MUC4: variants seen among roughly 807,000 people sequenced by gnomAD.
The protein encoded by MUC4 is mucin-4.
A neutral mutation model predicts 257.9 loss-of-function variants in MUC4; 202 were observed. The observed-to-expected ratio is 0.78, with a 90% CI of 0.70 to 0.88. MUC4 has a LOEUF of 0.88. MUC4 is among the 40% of genes least tolerant of loss of function. The probability of loss-of-function intolerance (pLI) is 0.00; values close to 1 mark genes in which losing one functional copy is unlikely to be tolerated. For missense variants in MUC4, 5,976 were observed against 6,513.7 expected (o/e 0.92, Z 2.84); for synonymous variants, 2,351 against 2,757.1 (o/e 0.85, Z 4.62).
intron 7 of MUC4, among the ~76,000 whole-genome samples, chr3:195,768,032 C>A (rs1288180045): frequency 1.3e-5 from 2 of 152,030 alleles, no homozygotes; most frequent in African/African-American, 2.4e-5. Context: ...AAGCCTGGAG[C>A]AGCCGCCTGC....
chr3:195,807,812 ACTT>A (rs1295457908), intron 1 of MUC4, among the ~76,000 whole-genome samples: 1 of 152,244 alleles, frequency 6.6e-6, no homozygotes, highest in Non-Finnish European at 1.5e-5. Context: ...AAGGCCAACC[ACTT>A]CTTGTCCTCT....
In MUC4 at chr3:195,766,785, G is replaced by A. The variant is rs374549724; in HGVS notation, c.13530-34C>T. 110 of 1,583,698 alleles carry A rather than the reference G, an allele frequency of 6.9e-5. No homozygotes were observed. The Admixed American group carries it at 9.9e-4, about 14-fold the overall frequency. ...AAGGAGAGACTCTCAGGCCTCTGCC[G>A]TGCACAGGCTCTTGCCTCGCGGTTG... On this transcript the variant is annotated intron_variant, in intron 7 of 24. Coordinates refer to ENST00000463781, the MANE Select transcript of MUC4 (RefSeq NM_018406.7).
At position 195,763,555 on chromosome 3, in the gene MUC4, C is replaced by T. The variant is rs747966101; in HGVS notation, c.14131G>A (p.Ala4711Thr). ...AGGAAGGAGGAGTTCCCGTCTTGGG[C>T]CCCGACCAGCAGGAAGTCCCCCAGC... The part of the protein sequence containing the change: ...NGLGDFLLVG[A>T]QDGNSSFLLQ... The change falls in exon 12 of 25, where the codon GCC becomes ACC. Residue 4711 changes from alanine to threonine, a missense_variant. By Grantham distance (58) the Ala-to-Thr change is moderately conservative. This residue lies in a region of MUC4 where 996 missense variants were observed against 1,137.3 expected (regional missense o/e 0.88). Transcript: ENST00000463781. The T allele has an allele frequency of 1.3e-5, 21 of 1,590,044 alleles. No homozygotes were observed. The highest frequency in any genetic ancestry group is 1.6e-5 in the Non-Finnish European group (19 of 1,167,468).
chr3:195,802,032 C>A (rs115835019), intron 1 of MUC4, among the ~76,000 whole-genome samples: 1,679 of 152,298 alleles, frequency 0.011, 24 homozygotes, highest in Non-Finnish European at 0.016. Context: ...TCTACTCTCA[C>A]GCCTTACAAA....
At chr3:195,754,508 CA>C in intron 18 of MUC4, 136 bp from the exon 19 acceptor site, 1 of 1,183,882 alleles carries the variant, frequency 8.4e-7, no homozygotes, top group Non-Finnish European at 1.2e-6. Context: ...ACCTGCTGAG[CA>C]CCTTCTTGAC....
At chr3:195,796,771 C>G (rs1228967510) in intron 1 of MUC4, among the ~76,000 whole-genome samples, 1 of 152,082 alleles carries the variant, frequency 6.6e-6, no homozygotes, top group Non-Finnish European at 1.5e-5. Context: ...ATCAGACATT[C>G]AAGGAACAGG....
intron 1 of MUC4, among the ~76,000 whole-genome samples, chr3:195,799,400 C>T (rs771472864): frequency 6.6e-6 from 1 of 152,138 alleles, no homozygotes; most frequent in African/African-American, 2.4e-5. Context: ...ACCTCCACCT[C>T]CGTGATTCTC....
chr3:195,759,998 G>A (rs2550275), intron 16 of MUC4, among the ~76,000 whole-genome samples: 94,194 of 151,558 alleles, frequency 0.62, 30,541 homozygotes, highest in East Asian at 0.8. Context: ...GAGAGGGAGT[G>A]AAACCTCTTC....
rs1178722775 is a variant in MUC4, at chr3:195,782,163, G to A, written c.9417C>T (p.Val3139=). ...CTGTGGATGCTGAGGAAGTGCTGGT[G>A]ACAGGAAGAGCGGTGGCCTGACCTG... ...ASTGQATALP[V]TSTSSASTGD... The change falls in exon 2 of 25, where the codon GTC becomes GTT. Residue 3139 remains valine (V), a synonymous_variant. Transcript: ENST00000463781. 1.5e-6 allele frequency: 2 copies of A among 1,351,932 alleles called. No individual in the cohort carries two copies. The highest frequency in any genetic ancestry group is 1.9e-6 in the Non-Finnish European group (2 of 1,027,966). 83.7% of individuals were successfully genotyped at this position (1,351,932 alleles called of 1,614,324 possible). A position where few individuals can be genotyped will look rare whatever the true frequency, so the allele number is the denominator to read the frequency against.
rs145047205 is a variant in MUC4 at position 195,754,215 on chromosome 3, G to A, written c.15326C>T (p.Ala5109Val). The A allele has an allele frequency of 1.6e-5, 26 of 1,611,726 alleles. No homozygotes were observed. Among genetic ancestry groups the A allele is most frequent in the African/African-American group, 4.0e-5 (3 of 74,878 alleles). Reference sequence around the variant, plus strand: ...TCCAGGCCCTGTTCCCGGCTCACCCGCACAGTGCCGCCCATCCCCAGTCAG... The same window carrying A: ...TCCAGGCCCTGTTCCCGGCTCACCCACACAGTGCCGCCCATCCCCAGTCAG... Reference protein sequence around the residue: ...PNLTGDGRHCAALGSSFLCQN... With the variant: ...PNLTGDGRHCVALGSSFLCQN... Residue 5109 changes from alanine to valine, a missense_variant and splice_region_variant, in exon 19 of 25, where the codon GCG (alanine) becomes GTG (valine). Coordinates refer to ENST00000463781, the MANE Select transcript of MUC4 (RefSeq NM_018406.7).
rs1160705960 is a variant in MUC4 at position 195,767,621 on chromosome 3, TCACCACCATCAC to T, written c.13530-882_13530-871del. Among the ~76,000 whole-genome samples the T allele has an allele frequency of 3.7e-4, 10 of 27,196 alleles. 1 individual carries two copies. The highest frequency in any genetic ancestry group is 1.5e-3 in the African/African-American group (10 of 6,612). The allele number at this position is 27,196 out of a possible 152,430, so 17.8% of individuals were successfully genotyped here. On this transcript the variant is annotated intron_variant, in intron 7 of 24. Coordinates refer to ENST00000463781, the MANE Select transcript of MUC4 (RefSeq NM_018406.7). ...ACCATCATCACCATTGCCACCACCATCACCACCATCACCACCACCATCGCCACCACCACCACC... is the reference window on the plus strand; with the variant it reads ...ACCATCATCACCATTGCCACCACCATCACCACCATCGCCACCACCACCACC...
In MUC4 at chr3:195,791,006, A is replaced by T. The variant is rs1042066705; in HGVS notation, c.574T>A (p.Ser192Thr). The change falls in exon 2 of 25, where the codon TCA (serine) becomes ACA (threonine). Residue 192 changes from serine (S) to threonine (T), a missense_variant. Physicochemically the swap from Ser to Thr is moderately conservative, Grantham distance 58. Coordinates refer to ENST00000463781, the MANE Select transcript of MUC4 (RefSeq NM_018406.7). ...GTCCAGTGGTTCTGAGAAGAAGCTGATGTGTCTTGGATAGAGGTCCTCCAG... is the reference window on the plus strand; with the variant it reads ...GTCCAGTGGTTCTGAGAAGAAGCTGTTGTGTCTTGGATAGAGGTCCTCCAG... ...TSWRTSIQDT[S>T]ASSQNHWTRS... is the part of the protein sequence containing the mutation. 1.2e-6 allele frequency: 2 copies of T among 1,613,662 alleles called. No homozygotes were observed. The highest frequency in any genetic ancestry group is 8.5e-7 in the Non-Finnish European group (1 of 1,179,862).
At position 195,778,342 on chromosome 3, in the gene MUC4, G is replaced by C; in HGVS notation, c.12904C>G (p.Arg4302Gly). 6.2e-7 allele frequency: 1 copy of C among 1,612,680 alleles called. No homozygotes were observed. The highest frequency in any genetic ancestry group is 8.5e-7 in the Non-Finnish European group (1 of 1,179,808). Residue 4302 changes from arginine (R) to glycine (G), a missense_variant, in exon 3 of 25, where the codon CGC (arginine) becomes GGC (glycine). Physicochemically the swap from Arg to Gly is moderately radical, Grantham distance 125. Transcript: ENST00000463781. ...ATGGGGATGGGGGCAGCTGTGGAGCGGGTGTGCATGGCAGTGCTGGGAATG... is the reference window on the plus strand; with the variant it reads ...ATGGGGATGGGGGCAGCTGTGGAGCCGGTGTGCATGGCAGTGCTGGGAATG... Reference protein sequence around the residue: ...STIPSTAMHTRSTAAPIPILP... With the variant: ...STIPSTAMHTGSTAAPIPILP...
Position 195,765,250 on chromosome 3 carries a change from G to A in MUC4, c.13798+20C>T, listed in dbSNP as rs776659392. The A allele has an allele frequency of 1.7e-5, 27 of 1,598,668 alleles. No homozygotes were observed. The highest frequency in any genetic ancestry group is 2.1e-5 in the Non-Finnish European group (25 of 1,170,240). On this transcript the variant is annotated intron_variant, in intron 9 of 24. Coordinates refer to ENST00000463781, the MANE Select transcript of MUC4 (RefSeq NM_018406.7). ...AGAGGGTGGTGGGTGGGCTTGTGGG[G>A]GGCGGGAAGGAGGTGTCACCTATGC...
intron 3 of MUC4, among the ~76,000 whole-genome samples, chr3:195,776,715 TCATACCTTCCACACC>T (rs1724864988): frequency 8.5e-5 from 1 of 11,708 alleles, no homozygotes; most frequent in Non-Finnish European, 1.5e-4. Flanking sequence ...CCTTCCACAG[TCATACCTTCCACACC>T]CATACCTTCC....
At chr3:195,778,723 A>G in intron 2 of MUC4, 67 bp downstream of exon 2, 1 of 1,476,196 alleles carries the variant, frequency 6.8e-7, no homozygotes, top group Non-Finnish European at 9.2e-7. Context: ...GTTCTCAGGT[A>G]CTCCTTAGGC....
At position 195,751,049 on chromosome 3, in the gene MUC4, C is replaced by T. The variant is rs1159406229; in HGVS notation, c.15711G>A (p.Gln5237=). 9.3e-6 allele frequency: 15 copies of T among 1,611,480 alleles called. No homozygotes were observed. Among genetic ancestry groups the T allele is most frequent in the Admixed American group, 1.7e-5 (1 of 59,632 alleles). The part of the protein sequence containing the change: ...IQHWMVISEF[Q]YRPRGPVIDF... ...CAATGACCGGGCCCCGAGGGCGGTA[C>T]TGGAACTCCGAGATGACCATCCAGT... The change falls in exon 23 of 25, where the codon CAG becomes CAA. Residue 5237 remains glutamine, a synonymous_variant. Coordinates refer to ENST00000463781, the MANE Select transcript of MUC4 (RefSeq NM_018406.7).
chr3:195,791,590 C>G (rs1351138459), intron 1 of MUC4, 93 bp from the exon 2 acceptor site: 7 of 793,102 alleles, frequency 8.8e-6, no homozygotes, highest in Non-Finnish European at 1.4e-5. Context: ...CCTAGGAATA[C>G]AGCTAACAAA....
chr3:195,769,075 C>A lies in MUC4; in HGVS notation c.13476G>T (p.Met4492Ile). ...CTGAGCGCTGGGCCACGTCCCACTG[C>A]ATCCCACCGCTCTGGTAGAGAAACA... is the stretch of plus-strand genomic sequence containing the variant. ...YALFLYQSGG[M>I]QWDVAQRSGN... The change falls in exon 7 of 25, where the codon ATG becomes ATT. Residue 4492 changes from methionine (M) to isoleucine (I), a missense_variant. Physicochemically the swap from Met to Ile is conservative, Grantham distance 10. Around this residue, in one of 44 missense-constraint regions of MUC4, gnomAD observed 996 missense variants for 1,137.3 expected, o/e 0.88. Coordinates refer to ENST00000463781, the MANE Select transcript of MUC4 (RefSeq NM_018406.7). The A allele has an allele frequency of 6.2e-7, 1 of 1,614,122 alleles. No homozygotes were observed. The highest frequency in any genetic ancestry group is 8.5e-7 in the Non-Finnish European group (1 of 1,180,002).
Sources: gnomAD v4.1 joint callset for allele counts (sites outside exome capture counted in the v4.1 genomes callset) on GRCh38, gnomAD v4.1.1 for gene constraint, gnomAD v4.1.1 regional missense constraint, MANE v1.5 for transcripts, NCBI Gene and HGNC (gene_info 2026-07-23, HGNC 2026-07-21) for gene names.